NFILZ: variants seen among roughly 807,000 people sequenced by gnomAD.
The protein encoded by NFILZ is NFIL3 like basic leucine zipper.
chr19:8,655,453 G>C, intron 3 of NFILZ, among the ~76,000 whole-genome samples: 1 of 152,160 alleles, frequency 6.6e-6, no homozygotes, highest in African/African-American at 2.4e-5. Flanking sequence ...CACAGCACCT[G>C]CTCCCTGGGC....
chr19:8,641,510 A>C (rs1561405), intron 3 of NFILZ, among the ~76,000 whole-genome samples: 16,217 of 152,240 alleles, frequency 0.11, 1,256 homozygotes, highest in East Asian at 0.43. Flanking sequence ...GTGCTGCAAA[A>C]TTTTATCCAC....
In NFILZ at chr19:8,679,035, C is replaced by A. The variant is rs1204701380; in HGVS notation, c.*1400C>A. Among the ~76,000 whole-genome samples the A allele has an allele frequency of 1.3e-5, 2 of 150,388 alleles. No individual in the cohort carries two copies. Among genetic ancestry groups the A allele is most frequent in the African/African-American group, 4.9e-5 (2 of 40,796 alleles). On this transcript the variant is annotated 3_prime_UTR_variant, in exon 6 of 6. Coordinates refer to ENST00000691075, the MANE Select transcript of NFILZ (RefSeq NM_001378600.1). ...CTTGCTTACCACCCAGTTTGAGGGG[C>A]AGACATATTGGCTTCTTCTGTGTCT...
intron 3 of NFILZ, among the ~76,000 whole-genome samples, chr19:8,644,405 G>C (rs1406620861): frequency 2.0e-5 from 3 of 151,938 alleles, no homozygotes; most frequent in Non-Finnish European, 4.4e-5. Context: ...CTGGTAATAG[G>C]GTCAACTTGT....
chr19:8,663,787 T>TGTG (rs2043048906), intron 3 of NFILZ, among the ~76,000 whole-genome samples: 11 of 148,790 alleles, frequency 7.4e-5, no homozygotes, highest in African/African-American at 1.0e-4. Context: ...TGTGTGTTTG[T>TGTG]TGTGGGGGGG....
Position 8,678,108 on chromosome 19 carries a change from T to TCCTCAC in NFILZ, c.*475_*476insTCACCC, listed in dbSNP as rs2043124071. Among the ~76,000 whole-genome samples, 1 of 127,416 alleles carries TCCTCAC rather than the reference T, an allele frequency of 7.8e-6. No individual in the cohort carries two copies. Among genetic ancestry groups the TCCTCAC allele is most frequent in the Non-Finnish European group, 1.6e-5 (1 of 60,630 alleles). The allele number at this position is 127,416 out of a possible 152,430, so 83.6% of individuals were successfully genotyped here. On this transcript the variant is annotated 3_prime_UTR_variant, in exon 6 of 6. Transcript: ENST00000691075. ...TCCATCCATTCCATCCATCCATCCA[T>TCCTCAC]CCATCCATCCATCCATCCCTCCATC... is the stretch of plus-strand genomic sequence containing the variant.
At chr19:8,652,784 TTTC>T in intron 3 of NFILZ, among the ~76,000 whole-genome samples, 1 of 151,522 alleles carries the variant, frequency 6.6e-6, no homozygotes, top group Non-Finnish European at 1.5e-5. Context: ...CTTTCTTTCT[TTTC>T]TTTCTTTCTT....
At chr19:8,653,736 C>T (rs2967716) in intron 3 of NFILZ, among the ~76,000 whole-genome samples, 14,147 of 152,152 alleles carry the variant, frequency 0.093, 1,044 homozygotes, top group East Asian at 0.42. Context: ...AACCAAATAC[C>T]GTGTGTTCTC....
intron 1 of NFILZ, among the ~76,000 whole-genome samples, chr19:8,631,741 T>C (rs10421549): frequency 0.75 from 113,290 of 151,788 alleles, 42,426 homozygotes; most frequent in South Asian, 0.84. Flanking sequence ...GGCCTTTCAC[T>C]TTCTGCCTCC....
chr19:8,660,134 C>T (rs926525868), intron 3 of NFILZ, among the ~76,000 whole-genome samples: 1 of 152,152 alleles, frequency 6.6e-6, no homozygotes, highest in African/African-American at 2.4e-5. Context: ...GCAGGGTAGG[C>T]CCTGGGCTCC....
chr19:8,642,338 G>T (rs1009816495), intron 3 of NFILZ, among the ~76,000 whole-genome samples: 1 of 152,212 alleles, frequency 6.6e-6, no homozygotes, highest in African/African-American at 2.4e-5. Context: ...TGTGGTTATT[G>T]TTGGGGAATT....
At chr19:8,649,036 C>T (rs1555747462) in intron 3 of NFILZ, among the ~76,000 whole-genome samples, 1 of 151,948 alleles carries the variant, frequency 6.6e-6, no homozygotes, top group Non-Finnish European at 1.5e-5. Flanking sequence ...GATCATGGTT[C>T]ACTGCAGCCT....
At chr19:8,653,006 TCC>T (rs1375016173) in intron 3 of NFILZ, among the ~76,000 whole-genome samples, 2,489 of 28,118 alleles carry the variant, frequency 0.089, 42 homozygotes, top group African/African-American at 0.11. Context: ...CTTCCTTCCT[TCC>T]TTCCTTTCTT....
intron 3 of NFILZ, among the ~76,000 whole-genome samples, chr19:8,672,715 ATATT>A (rs138081056): frequency 0.16 from 23,622 of 152,136 alleles, 2,727 homozygotes; most frequent in East Asian, 0.51. Flanking sequence ...CATTCAAAAA[ATATT>A]TATGCATTAA....
intron 3 of NFILZ, among the ~76,000 whole-genome samples, chr19:8,651,167 G>GT (rs1568420011): frequency 6.6e-6 from 1 of 151,906 alleles, no homozygotes; most frequent in African/African-American, 2.4e-5. Context: ...TATATAATAA[G>GT]CTTTTTTTTT....
chr19:8,672,765 G>A (rs2043094439), intron 3 of NFILZ, among the ~76,000 whole-genome samples: 1 of 152,138 alleles, frequency 6.6e-6, no homozygotes, highest in Admixed American at 6.5e-5. Context: ...ATATTTATTA[G>A]TTTATTCCAA....
rs150599717 is a variant in NFILZ, at chr19:8,634,864, C to CACAAACAA, written c.-260-752_-260-745dup. On this transcript the variant is annotated intron_variant, in intron 2 of 5. Transcript: ENST00000691075. ...CACTGCACTTTAGCCAAGACCCTAT[C>CACAAACAA]ACAAACAAACAAACAAACAAACAAA... Among the ~76,000 whole-genome samples the CACAAACAA allele has an allele frequency of 6.8e-3, 1,029 of 150,582 alleles. 5 individuals carry two copies. Among genetic ancestry groups the CACAAACAA allele is most frequent in the Non-Finnish European group, 9.4e-3 (634 of 67,774 alleles).
intron 3 of NFILZ, among the ~76,000 whole-genome samples, chr19:8,653,080 CTCTT>C (rs2042976839): frequency 2.4e-5 from 3 of 124,664 alleles, no homozygotes; most frequent in Middle Eastern, 4.1e-3. Flanking sequence ...CTCTCTCTCT[CTCTT>C]TCTTTCTTTT....
At chr19:8,670,705 C>A (rs980345829) in intron 3 of NFILZ, among the ~76,000 whole-genome samples, 5 of 152,084 alleles carry the variant, frequency 3.3e-5, no homozygotes, top group Middle Eastern at 3.2e-3. Context: ...GTCAAGATTT[C>A]CAGACATGGC....
chr19:8,668,060 C>T (rs1301098542), intron 3 of NFILZ, among the ~76,000 whole-genome samples: 1 of 152,072 alleles, frequency 6.6e-6, no homozygotes, highest in Non-Finnish European at 1.5e-5. Context: ...AAGTGATTCT[C>T]ATGCTTCAGC....
Sources: allele counts gnomAD v4.1 joint callset (sites outside exome capture counted in the v4.1 genomes callset), GRCh38; gene constraint gnomAD v4.1.1; transcripts MANE v1.5; gene names NCBI Gene and HGNC (gene_info 2026-07-23, HGNC 2026-07-21).